Variants in ESPL1 observed in about 807,000 individuals in gnomAD.
ESPL1 encodes separin.
In ESPL1, 50 loss-of-function variants were observed where a neutral mutation model predicts 217.2. That is an observed-to-expected ratio of 0.23 (90% CI 0.18 to 0.29). The LOEUF is 0.29. ESPL1 is among the 10% of genes least tolerant of loss of function. The probability of loss-of-function intolerance (pLI) is 1.00; values close to 1 mark genes in which losing one functional copy is unlikely to be tolerated. For synonymous variants in ESPL1, 994 were observed against 1,081.3 expected, an observed-to-expected ratio of 0.92 and a Z score of 1.58; for missense variants, 1,834 against 2,603.0, an observed-to-expected ratio of 0.70 and a Z score of 6.43.
chr12:53,272,157 C>T (rs1454496621), intron 5 of ESPL1, among the ~76,000 whole-genome samples: 3 of 151,950 alleles, frequency 2.0e-5, no homozygotes, highest in African/African-American at 7.3e-5. Context: ...TTGGATGTGT[C>T]GGTAAGCAAA....
Position 53,286,678 on chromosome 12 carries a change from A to T in ESPL1, c.3942A>T (p.Lys1314Asn), listed in dbSNP as rs1943953932. 1 of 1,614,102 alleles carries T rather than the reference A, an allele frequency of 6.2e-7. No individual in the cohort carries two copies. The highest frequency in any genetic ancestry group is 8.5e-7 in the Non-Finnish European group (1 of 1,180,028). Reference sequence around the variant, plus strand: ...AGCCCTCTAAGACTCAGGGCCAAAAACGTTCTGGACGAGGGCGCCAAAAGT... The same window carrying T: ...AGCCCTCTAAGACTCAGGGCCAAAATCGTTCTGGACGAGGGCGCCAAAAGT... ...GSEPSKTQGQKRSGRGRQKLA... is the reference protein window; with the variant it reads ...GSEPSKTQGQNRSGRGRQKLA... Residue 1314 changes from lysine to asparagine, a missense_variant, in exon 18 of 31, where the codon AAA (lysine) becomes AAT (asparagine). Physicochemically the swap from Lys to Asn is moderately conservative, Grantham distance 94. Around this residue, in one of 5 missense-constraint regions of ESPL1, gnomAD observed 681 missense variants for 808.0 expected, o/e 0.84. Transcript: ENST00000257934. The surrounding 1 kb of genome is among the most constrained non-coding windows in gnomAD (Gnocchi z 5.3).
chr12:53,274,661 T>C (rs1398818965), intron 6 of ESPL1, among the ~76,000 whole-genome samples, 156 bp from the exon 7 acceptor site: 2 of 152,140 alleles, frequency 1.3e-5, no homozygotes, highest in Non-Finnish European at 2.9e-5. Context: ...ATTTCATTCT[T>C]AGGTGTCTCC....
chr12:53,271,871 C>T (rs1271358245), intron 5 of ESPL1, among the ~76,000 whole-genome samples: 2 of 151,676 alleles, frequency 1.3e-5, no homozygotes, highest in Non-Finnish European at 2.9e-5. Flanking sequence ...GGGCGGATAA[C>T]GAGGTCAGGA....
Position 53,293,386 on chromosome 12 carries a change from A to G in ESPL1, c.6275A>G (p.Tyr2092Cys), listed in dbSNP as rs1221891131. 6.8e-6 allele frequency: 11 copies of G among 1,613,930 alleles called. No individual in the cohort carries two copies. Among genetic ancestry groups the G allele is most frequent in the Non-Finnish European group, 9.3e-6 (11 of 1,179,940 alleles). The change falls in exon 31 of 31, where the codon TAT becomes TGT. Residue 2092 changes from tyrosine (Y) to cysteine (C), a missense_variant. Physicochemically the swap from Tyr to Cys is radical, Grantham distance 194. Coordinates refer to ENST00000257934, the MANE Select transcript of ESPL1 (RefSeq NM_012291.5). This position sits in a 1 kb window ranked among gnomAD's most constrained non-coding sequence, Gnocchi z 4.2. ...GAGPGAPLLY[Y>C]VNQARQAPRL... ...GGCCCAGGGGCCCCCCTTCTCTACT[A>G]TGTAAACCAGGCCCGCCAAGCTCCC... is the stretch of plus-strand genomic sequence containing the variant.
At chr12:53,270,505 C>T in intron 4 of ESPL1, 23 bp downstream of exon 4, 1 of 1,590,416 alleles carries the variant, frequency 6.3e-7, no homozygotes, top group Non-Finnish European at 8.6e-7. Context: ...AATCAAGGTA[C>T]CTGGACTAGG....
rs1235476556 is a variant in ESPL1 at position 53,269,596 on chromosome 12, T to C, written c.654T>C (p.Asp218=). 1.2e-6 allele frequency: 2 copies of C among 1,614,102 alleles called. No homozygotes were observed. Among genetic ancestry groups the C allele is most frequent in the East Asian group, 2.2e-5 (1 of 44,900 alleles). The change falls in exon 3 of 31, where the codon GAT becomes GAC. Residue 218 remains aspartate (D), a synonymous_variant. Coordinates refer to ENST00000257934, the MANE Select transcript of ESPL1 (RefSeq NM_012291.5). The surrounding 1 kb of genome is among the most constrained non-coding windows in gnomAD (Gnocchi z 6.7). ...ATGGTCTAAATGAAGCAGATGCTGA[T>C]TTCCTAGATGACCTGCTCTCCAGGC... ...SGHGLNEADA[D]FLDDLLSRHV... is the part of the protein sequence containing the mutation.
In ESPL1 at chr12:53,291,970, T is replaced by G. The variant is rs1161037620; in HGVS notation, c.5692-14T>G. Reference sequence around the variant, plus strand: ...CTGGCTGGGGACAGTAACCTCTTAGTGCTTTTTGCCCAGGACTTGCAGAAG... The same window carrying G: ...CTGGCTGGGGACAGTAACCTCTTAGGGCTTTTTGCCCAGGACTTGCAGAAG... On this transcript the variant is annotated splice_polypyrimidine_tract_variant and intron_variant, in intron 26 of 30. Coordinates refer to ENST00000257934, the MANE Select transcript of ESPL1 (RefSeq NM_012291.5). 1.2e-6 allele frequency: 2 copies of G among 1,613,108 alleles called. No individual in the cohort carries two copies. The highest frequency in any genetic ancestry group is 1.7e-6 in the Non-Finnish European group (2 of 1,179,264).
At chr12:53,281,375 G>A in intron 12 of ESPL1, 132 bp from the exon 13 acceptor site, 1 of 774,496 alleles carries the variant, frequency 1.3e-6, no homozygotes, top group Admixed American at 2.4e-5. Context: ...CTGACCTCAG[G>A]TGATCCGCCC....
intron 4 of ESPL1, 83 bp downstream of exon 4, chr12:53,270,565 CTCCACTGCCCTCAAACAGCTTTGGGGT>C: frequency 7.1e-7 from 1 of 1,408,976 alleles, no homozygotes; most frequent in African/African-American, 1.4e-5. Context: ...TTTGGGGTTG[CTCCACTGCCCTCAAACAGCTTTGGGGT>C]TGCTTGGCTT....
intron 5 of ESPL1, among the ~76,000 whole-genome samples, chr12:53,271,525 G>T (rs1355571798): frequency 6.6e-6 from 1 of 151,942 alleles, no homozygotes; most frequent in Non-Finnish European, 1.5e-5. Flanking sequence ...GCCAGGCAAG[G>T]TGGTGCATGC....
At position 53,270,408 on chromosome 12, in the gene ESPL1, T is replaced by C; in HGVS notation, c.1174T>C (p.Ser392Pro). The C allele has an allele frequency of 1.2e-6, 2 of 1,613,858 alleles. No individual in the cohort carries two copies. The highest frequency in any genetic ancestry group is 1.7e-6 in the Non-Finnish European group (2 of 1,179,802). ...TGGGGGCTCCTCCAAGCAACAGCAG[T>C]CTTTTCTTCAGATGTACTTTCAGGG... ...VYGGSSKQQQ[S>P]FLQMYFQGLH... is the part of the protein sequence containing the mutation. The change falls in exon 4 of 31, where the codon TCT (serine) becomes CCT (proline). Residue 392 changes from serine (S) to proline (P), a missense_variant. Around this residue, in one of 5 missense-constraint regions of ESPL1, gnomAD observed 746 missense variants for 1,077.0 expected, o/e 0.69. Transcript: ENST00000257934.
chr12:53,278,319 A>T (rs1437375562), intron 11 of ESPL1, among the ~76,000 whole-genome samples: 1 of 151,536 alleles, frequency 6.6e-6, no homozygotes, highest in Non-Finnish European at 1.5e-5. Context: ...TACAAGAAAT[A>T]AAAAAAATAT....
In ESPL1 at chr12:53,288,168, C is replaced by G; in HGVS notation, c.4373C>G (p.Ala1458Gly). The G allele has an allele frequency of 1.2e-6, 2 of 1,612,500 alleles. No individual in the cohort carries two copies. The highest frequency in any genetic ancestry group is 1.7e-6 in the Non-Finnish European group (2 of 1,179,532). Residue 1458 changes from alanine to glycine, a missense_variant, in exon 19 of 31, where the codon GCC (alanine) becomes GGC (glycine). Ala to Gly is a moderately conservative substitution (Grantham distance 60). Transcript: ENST00000257934. The part of the protein sequence containing the change: ...NPGLNGRSRR[A>G]KKVASRHCEE... ...GGCCTGAATGGCAGGAGCCGGAGGGCCAAGAAGGTGGCATCAAGACATTGT... is the reference window on the plus strand; with the variant it reads ...GGCCTGAATGGCAGGAGCCGGAGGGGCAAGAAGGTGGCATCAAGACATTGT...
chr12:53,278,327 T>A (rs1943805634), intron 11 of ESPL1, among the ~76,000 whole-genome samples: 1 of 151,620 alleles, frequency 6.6e-6, no homozygotes, highest in Non-Finnish European at 1.5e-5. Context: ...ATAAAAAAAA[T>A]ATAGCCCGGT....
intron 5 of ESPL1, among the ~76,000 whole-genome samples, chr12:53,271,172 G>GGT (rs371461220): frequency 0.29 from 33,583 of 117,462 alleles, 7,544 homozygotes; most frequent in African/African-American, 0.48. Flanking sequence ...ATATTTAAGT[G>GGT]TTTTTTTTTT....
Position 53,292,358 on chromosome 12 carries a change from A to C in ESPL1, c.5877A>C (p.Ser1959=). The C allele has an allele frequency of 6.2e-7, 1 of 1,614,016 alleles. No individual in the cohort carries two copies. ...TCCTGAACCCTCACAATAACCTGTC[A>C]AGCACAGAGGAGCAATTTCGAGCCA... ...FYVLNPHNNL[S]STEEQFRANF... Residue 1959 remains serine, a synonymous_variant, in exon 28 of 31, where the codon TCA becomes TCC. Transcript: ENST00000257934. The surrounding 1 kb of genome is among the most constrained non-coding windows in gnomAD (Gnocchi z 4.5).
chr12:53,282,683 C>T lies in ESPL1; in HGVS notation c.2791+248C>T, dbSNP rs1043668917. Among the ~76,000 whole-genome samples the T allele has an allele frequency of 4.6e-5, 7 of 152,170 alleles. No individual in the cohort carries two copies. The South Asian group carries it at 1.0e-3, about 23-fold the overall frequency. ...TTCTTTTTTTTCTAAGACGGAGTTT[C>T]GCTGTTGTCACCCAGGCTGGAGTGC... On this transcript the variant is annotated intron_variant, in intron 14 of 30. Coordinates refer to ENST00000257934, the MANE Select transcript of ESPL1 (RefSeq NM_012291.5). The surrounding 1 kb of genome is among the most constrained non-coding windows in gnomAD (Gnocchi z 4.0).
chr12:53,281,850 G>A (rs1363230665), intron 13 of ESPL1, among the ~76,000 whole-genome samples: 2 of 152,190 alleles, frequency 1.3e-5, no homozygotes, highest in African/African-American at 4.8e-5. Flanking sequence ...AAGGGGGAAA[G>A]TCTGTCCTGT....
Position 53,268,354 on chromosome 12 carries a change from G to A in ESPL1, c.-36G>A, listed in dbSNP as rs1279070796. 5.2e-6 allele frequency: 1 copy of A among 192,202 alleles called. No homozygotes were observed. Among genetic ancestry groups the A allele is most frequent in the East Asian group, 1.5e-4 (1 of 6,892 alleles). The allele number at this position is 192,202 out of a possible 1,614,324, so 11.9% of individuals were successfully genotyped here. ...GTCAGGCGGTTAAGTCCTGTACCTA[G>A]GAAAGAGGGCGAGCTCTGGGGCGGT... On this transcript the variant is annotated 5_prime_UTR_variant, in exon 1 of 31. Coordinates refer to ENST00000257934, the MANE Select transcript of ESPL1 (RefSeq NM_012291.5).
Sources: gnomAD v4.1 joint callset for allele counts (sites outside exome capture counted in the v4.1 genomes callset) on GRCh38, gnomAD v4.1.1 for gene constraint, gnomAD v4.1.1 regional missense constraint, Gnocchi (gnomAD v3.1) non-coding constraint, MANE v1.5 for transcripts, NCBI Gene and HGNC (gene_info 2026-07-23, HGNC 2026-07-21) for gene names.